Variants in PTPRD observed in about 807,000 individuals in gnomAD.
PTPRD encodes protein tyrosine phosphatase receptor type D.
PTPRD carries 34 observed loss-of-function variants against 214.5 expected under a neutral mutation model. The ratio of observed to expected loss-of-function variants is 0.16; its 90% CI spans 0.12 to 0.21. The LOEUF is 0.21. Among genes scored for constraint, PTPRD ranks in the 10% least tolerant of loss-of-function variants. PTPRD has a pLI of 1.00. For synonymous variants in PTPRD, 1,128 were observed against 845.7 expected, an observed-to-expected ratio of 1.33 and a Z score of -5.79; for missense variants, 2,545 against 2,398.7, an observed-to-expected ratio of 1.06 and a Z score of -1.27.
rs189492294 is a variant in PTPRD at position 8,654,904 on chromosome 9, C to T, written c.65-18060G>A. Among the ~76,000 whole-genome samples the T allele has an allele frequency of 1.9e-3, 291 of 152,156 alleles. 3 individuals carry two copies. Among genetic ancestry groups the T allele is most frequent in the African/African-American group, 6.6e-3 (276 of 41,512 alleles). On this transcript the variant is annotated intron_variant, in intron 12 of 45. Coordinates refer to ENST00000381196, the MANE Select transcript of PTPRD (RefSeq NM_002839.4). ...ACCCTAATATGTGATATTATTAGCT[C>T]TTTTTTTCTGTTAGACTTTCCCTGT...
chr9:9,428,296 A>C (rs1224880668), intron 8 of PTPRD, among the ~76,000 whole-genome samples: 1 of 152,172 alleles, frequency 6.6e-6, no homozygotes, highest in African/African-American at 2.4e-5. Flanking sequence ...AAACCAACAA[A>C]GATCAGAAGA....
intron 7 of PTPRD, among the ~76,000 whole-genome samples, chr9:9,611,818 C>T (rs550259540): frequency 2.8e-4 from 42 of 152,132 alleles, no homozygotes; most frequent in Admixed American, 2.6e-4. Context: ...GTTTATGTTA[C>T]ACATAAAAAT....
chr9:9,607,240 C>A lies in PTPRD; in HGVS notation c.-286-32459G>T, dbSNP rs879777061. Among the ~76,000 whole-genome samples the A allele has an allele frequency of 6.6e-5, 10 of 152,164 alleles. No homozygotes were observed. In the East Asian group the frequency reaches 1.9e-3, roughly 29 times the overall value. On this transcript the variant is annotated intron_variant, in intron 7 of 45. Coordinates refer to ENST00000381196, the MANE Select transcript of PTPRD (RefSeq NM_002839.4). ...GTTGAAAGAATCACAAGTAGTAACC[C>A]AATCACACTGGAGTCTATGGGGATT... is the stretch of plus-strand genomic sequence containing the variant.
chr9:9,791,518 T>C (rs563941860), intron 5 of PTPRD, among the ~76,000 whole-genome samples: 27 of 152,164 alleles, frequency 1.8e-4, no homozygotes, highest in Non-Finnish European at 4.0e-4. Context: ...TTATAATGGG[T>C]TCTATCACCC....
chr9:8,517,262 G>A (rs2097796468), intron 21 of PTPRD, among the ~76,000 whole-genome samples: 1 of 152,122 alleles, frequency 6.6e-6, no homozygotes, highest in Admixed American at 6.6e-5. Context: ...AATGTCTGCT[G>A]TAGCTCTTAG....
At chr9:9,922,446 C>T (rs1396297229) in intron 5 of PTPRD, among the ~76,000 whole-genome samples, 1 of 152,076 alleles carries the variant, frequency 6.6e-6, no homozygotes, top group African/African-American at 2.4e-5. Flanking sequence ...CCCAAGCCCC[C>T]ATTCTAAAAT....
chr9:9,892,349 A>G (rs1212238229), intron 5 of PTPRD, among the ~76,000 whole-genome samples: 6 of 152,156 alleles, frequency 3.9e-5, no homozygotes, highest in African/African-American at 1.4e-4. Context: ...AGAGCAATCC[A>G]TGCCTGGCGG....
intron 3 of PTPRD, among the ~76,000 whole-genome samples, chr9:10,217,415 G>T (rs746489099): frequency 1.3e-5 from 2 of 151,756 alleles, no homozygotes; most frequent in African/African-American, 4.8e-5. Context: ...TGAGTGGTTT[G>T]TACTCCCAAA....
chr9:9,343,718 G>T (rs1016309872), intron 9 of PTPRD, among the ~76,000 whole-genome samples: 1 of 151,674 alleles, frequency 6.6e-6, no homozygotes, highest in Non-Finnish European at 1.5e-5. Context: ...AAACAGGAGG[G>T]AACCCTTTTT....
intron 5 of PTPRD, chr9:9,800,563 G>A (rs190982779): frequency 1.3e-5 from 2 of 152,148 alleles, no homozygotes; most frequent in East Asian, 1.9e-4. Context: ...AAGAGAGAAC[G>A]GATTATTTGA....
chr9:10,044,428 G>C (rs538536128), intron 3 of PTPRD, among the ~76,000 whole-genome samples: 2 of 151,738 alleles, frequency 1.3e-5, no homozygotes, highest in South Asian at 4.2e-4. Context: ...TGTAAAAATT[G>C]GATCAGACTT....
intron 3 of PTPRD, among the ~76,000 whole-genome samples, chr9:10,152,784 C>A (rs1384603552): frequency 6.6e-6 from 1 of 152,158 alleles, no homozygotes; most frequent in Non-Finnish European, 1.5e-5. Flanking sequence ...AAGATCGCAC[C>A]ATTGCACTCC....
intron 7 of PTPRD, among the ~76,000 whole-genome samples, chr9:9,666,639 A>C (rs1479468057): frequency 6.6e-6 from 1 of 151,882 alleles, no homozygotes; most frequent in Non-Finnish European, 1.5e-5. Flanking sequence ...TTCAATCTCT[A>C]TGTCTTATTT....
At chr9:9,934,249 A>G (rs1602775502) in intron 5 of PTPRD, among the ~76,000 whole-genome samples, 1 of 149,832 alleles carries the variant, frequency 6.7e-6, no homozygotes, top group Admixed American at 6.6e-5. Context: ...TGAAGGAAAT[A>G]GAGACACAAA....
At chr9:10,326,158 T>A (rs1327955097) in intron 3 of PTPRD, among the ~76,000 whole-genome samples, 1 of 151,690 alleles carries the variant, frequency 6.6e-6, no homozygotes, top group Non-Finnish European at 1.5e-5. Context: ...ATTGGACAAT[T>A]TTCAAAAAAA....
chr9:9,022,047 C>A (rs180827727), intron 10 of PTPRD, among the ~76,000 whole-genome samples: 3 of 151,690 alleles, frequency 2.0e-5, no homozygotes, highest in Admixed American at 2.0e-4. Context: ...CCTAGATGAC[C>A]GGTTCATAGG....
At chr9:9,923,399 T>C (rs1042140486) in intron 5 of PTPRD, among the ~76,000 whole-genome samples, 11 of 140,516 alleles carry the variant, frequency 7.8e-5, no homozygotes, top group Non-Finnish European at 1.5e-4. Flanking sequence ...CAATGGCTGA[T>C]TAATCATTAA....
At chr9:10,424,750 A>T (rs537249502) in intron 2 of PTPRD, among the ~76,000 whole-genome samples, 1 of 152,120 alleles carries the variant, frequency 6.6e-6, no homozygotes, top group African/African-American at 2.4e-5. Context: ...TTCAATATTC[A>T]CTGCTATACT....
At chr9:8,577,743 T>C (rs1169776398) in intron 14 of PTPRD, among the ~76,000 whole-genome samples, 7 of 152,338 alleles carry the variant, frequency 4.6e-5, no homozygotes, top group African/African-American at 1.4e-4. Context: ...CTATAAATGA[T>C]GGTTCCAGAG....
Sources: allele counts gnomAD v4.1 joint callset (sites outside exome capture counted in the v4.1 genomes callset), GRCh38; gene constraint gnomAD v4.1.1; transcripts MANE v1.5; gene names NCBI Gene and HGNC (gene_info 2026-07-23, HGNC 2026-07-21).